BOLL: variants seen among roughly 807,000 people sequenced by gnomAD.
BOLL encodes protein boule-like.
A neutral mutation model predicts 44.4 loss-of-function variants in BOLL; 23 were observed. That is an observed-to-expected ratio of 0.52 (90% confidence interval 0.37 to 0.73). The LOEUF (loss-of-function observed/expected upper bound fraction) is 0.73. Among genes scored for constraint, BOLL ranks in the 30% least tolerant of loss-of-function variants. The pLI is 0.00. For missense variants in BOLL, 287 were observed against 338.3 expected (o/e 0.85, Z 1.19); for synonymous variants, 97 against 110.8 (o/e 0.88, Z 0.78).
At chr2:197,769,151 G>A (rs1487207368) in intron 6 of BOLL, among the ~76,000 whole-genome samples, 7 of 151,910 alleles carry the variant, frequency 4.6e-5, no homozygotes, top group Non-Finnish European at 1.0e-4. Flanking sequence ...GCCAGGCTTT[G>A]GTATCAGGAT....
intron 5 of BOLL, among the ~76,000 whole-genome samples, chr2:197,773,673 G>A (rs1689372664): frequency 6.6e-6 from 1 of 151,938 alleles, no homozygotes; most frequent in African/African-American, 2.4e-5. Context: ...ATTAGATTCT[G>A]AGAACAGGAG....
At chr2:197,776,738 T>A (rs1359425456) in intron 4 of BOLL, among the ~76,000 whole-genome samples, 2 of 151,992 alleles carry the variant, frequency 1.3e-5, no homozygotes, top group Non-Finnish European at 2.9e-5. Context: ...AGGGAAATCA[T>A]CTCAGATAAC....
At chr2:197,784,188 ATC>A (rs1689932386) in intron 1 of BOLL, among the ~76,000 whole-genome samples, 1 of 151,536 alleles carries the variant, frequency 6.6e-6, no homozygotes, top group South Asian at 2.1e-4. Flanking sequence ...TATGTTTATT[ATC>A]TGTCTCCACT....
chr2:197,760,822 A>G (rs190034367), intron 7 of BOLL, among the ~76,000 whole-genome samples: 13 of 152,250 alleles, frequency 8.5e-5, no homozygotes, highest in Admixed American at 7.8e-4. Context: ...AGAGAAAGAA[A>G]GAATTTTAAA....
intron 7 of BOLL, among the ~76,000 whole-genome samples, chr2:197,765,489 A>G (rs1378448357): frequency 6.6e-6 from 1 of 152,044 alleles, no homozygotes; most frequent in African/African-American, 2.4e-5. Flanking sequence ...AATGCTCCCA[A>G]CACAAAGAAA....
At chr2:197,757,869 A>G (rs2106352004) in intron 7 of BOLL, among the ~76,000 whole-genome samples, 1 of 152,350 alleles carries the variant, frequency 6.6e-6, no homozygotes, top group South Asian at 2.1e-4. Context: ...ACTTTTCTCC[A>G]AAGAAGATAT....
chr2:197,762,387 T>A (rs1400600266), intron 7 of BOLL, among the ~76,000 whole-genome samples: 1 of 152,028 alleles, frequency 6.6e-6, no homozygotes, highest in African/African-American at 2.4e-5. Flanking sequence ...GGATTTAAAC[T>A]GCACCATAGG....
chr2:197,742,927 G>T, intron 10 of BOLL, 134 bp downstream of exon 10: 1 of 470,650 alleles, frequency 2.1e-6, no homozygotes, highest in Non-Finnish European at 3.6e-6. Context: ...CTTCACATGA[G>T]TTTGCTAATT....
At position 197,785,106 on chromosome 2, in the gene BOLL, C is replaced by A. The variant is rs543849091; in HGVS notation, c.-66G>T. On this transcript the variant is annotated 5_prime_UTR_variant, in exon 1 of 11. Coordinates refer to ENST00000392296, the MANE Select transcript of BOLL (RefSeq NM_033030.6). This position sits in a 1 kb window ranked among gnomAD's most constrained non-coding sequence, Gnocchi z 6.7. Reference sequence around the variant, plus strand: ...CTCCCCCTCCAAGGCCAGCAAGTTGCGGCACTGGGGGAAATGGCCGCGGCG... The same window carrying A: ...CTCCCCCTCCAAGGCCAGCAAGTTGAGGCACTGGGGGAAATGGCCGCGGCG... 3 of 985,860 alleles carry A rather than the reference C, an allele frequency of 3.0e-6. No homozygotes were observed. The highest frequency in any genetic ancestry group is 3.6e-6 in the Non-Finnish European group (3 of 829,942). 61.1% of individuals were successfully genotyped at this position (985,860 alleles called of 1,614,324 possible).
At chr2:197,747,455 C>T (rs758587648) in intron 9 of BOLL, among the ~76,000 whole-genome samples, 6 of 151,748 alleles carry the variant, frequency 4.0e-5, no homozygotes, top group African/African-American at 1.2e-4. Context: ...TGGTGGCACA[C>T]GCCTGTAGTC....
At chr2:197,743,531 G>T (rs976460744) in intron 9 of BOLL, among the ~76,000 whole-genome samples, 3 of 152,108 alleles carry the variant, frequency 2.0e-5, no homozygotes, top group Non-Finnish European at 2.9e-5. Flanking sequence ...GTGTGTAAGG[G>T]GTTGCAGAGC....
intron 9 of BOLL, among the ~76,000 whole-genome samples, chr2:197,750,279 C>T (rs1574828185): frequency 6.6e-6 from 1 of 152,292 alleles, no homozygotes; most frequent in Middle Eastern, 3.4e-3. Context: ...ACGACAGGAT[C>T]AAATTCACAC....
intron 7 of BOLL, among the ~76,000 whole-genome samples, chr2:197,760,403 A>AC (rs1688700344): frequency 6.6e-6 from 1 of 151,656 alleles, no homozygotes; most frequent in Admixed American, 6.6e-5. Context: ...CAGCAGATGC[A>AC]CCCCCAGGCC....
At chr2:197,763,668 C>G (rs2106362574) in intron 7 of BOLL, among the ~76,000 whole-genome samples, 1 of 152,200 alleles carries the variant, frequency 6.6e-6, no homozygotes, top group South Asian at 2.1e-4. Flanking sequence ...GGAATTCTCC[C>G]TAATTCATCC....
At chr2:197,778,849 G>T in intron 3 of BOLL, 126 bp downstream of exon 3, 1 of 673,318 alleles carries the variant, frequency 1.5e-6, no homozygotes, top group Non-Finnish European at 2.5e-6. Context: ...TCAAAAGGTA[G>T]GAGGAAAGAA....
rs139092760 is a variant in BOLL at position 197,773,959 on chromosome 2, C to G, written c.352+1706G>C. ...AAGAAATGACAGATCTAAGAAAAAA[C>G]TAAGATAAGAATCCCTTATTTGTAA... On this transcript the variant is annotated intron_variant, in intron 5 of 10. Coordinates refer to ENST00000392296, the MANE Select transcript of BOLL (RefSeq NM_033030.6). 734 of 425,674 alleles carry G rather than the reference C, an allele frequency of 1.7e-3. 4 individuals are homozygous for G. The highest frequency in any genetic ancestry group is 0.014 in the African/African-American group (674 of 47,222). 26.4% of individuals were successfully genotyped at this position (425,674 alleles called of 1,614,324 possible).
At chr2:197,731,459 C>A (rs1392901535) in intron 10 of BOLL, among the ~76,000 whole-genome samples, 1 of 145,338 alleles carries the variant, frequency 6.9e-6, no homozygotes, top group Non-Finnish European at 1.5e-5. Flanking sequence ...CTGCACCAAG[C>A]AGACCTAACA....
Position 197,728,537 on chromosome 2 carries a change from T to C in BOLL, c.*18A>G, listed in dbSNP as rs752703932. On this transcript the variant is annotated 3_prime_UTR_variant, in exon 11 of 11. Coordinates refer to ENST00000392296, the MANE Select transcript of BOLL (RefSeq NM_033030.6). ...GGACAAGAAATCAGTTGAGCTGGAATAGAGCTGCCCAATTGTCTTAATAAT... is the reference window on the plus strand; with the variant it reads ...GGACAAGAAATCAGTTGAGCTGGAACAGAGCTGCCCAATTGTCTTAATAAT... The C allele has an allele frequency of 1.1e-5, 17 of 1,613,920 alleles. No individual in the cohort carries two copies. Among genetic ancestry groups the C allele is most frequent in the Admixed American group, 3.3e-5 (2 of 60,002 alleles).
intron 10 of BOLL, among the ~76,000 whole-genome samples, chr2:197,737,260 A>G (rs906153317): frequency 2.0e-5 from 3 of 152,040 alleles, no homozygotes; most frequent in African/African-American, 7.2e-5. Context: ...TTTTTTTCAC[A>G]GAATCCATAT....
Sources: gnomAD v4.1 joint callset for allele counts (sites outside exome capture counted in the v4.1 genomes callset) on GRCh38, gnomAD v4.1.1 for gene constraint, Gnocchi (gnomAD v3.1) non-coding constraint, MANE v1.5 for transcripts, NCBI Gene and HGNC (gene_info 2026-07-23, HGNC 2026-07-21) for gene names.